The following CADPS variants were observed in gnomAD, a reference collection of about 807,000 sequenced individuals.
CADPS encodes the protein calcium dependent secretion activator, also known as calcium-dependent secretion activator 1.
Under a neutral mutation model 167.3 loss-of-function variants are expected in CADPS, and 57 were observed. That is an observed-to-expected ratio of 0.34 (90% confidence interval 0.28 to 0.42). The LOEUF (loss-of-function observed/expected upper bound fraction) is 0.42, where lower values mean the gene tolerates loss of function less well. CADPS is among the 20% of genes least tolerant of loss of function. The pLI is 1.00. For missense variants in CADPS, 1,414 were observed against 1,738.1 expected, an observed-to-expected ratio of 0.81 and a Z score of 3.32; for synonymous variants, 676 against 635.3, an observed-to-expected ratio of 1.06 and a Z score of -0.96.
intron 8 of CADPS, among the ~76,000 whole-genome samples, chr3:62,575,549 A>C (rs2082096775): frequency 6.6e-6 from 1 of 152,228 alleles, no homozygotes. Context: ...ACTTGCTATT[A>C]GATATATCAT....
intron 1 of CADPS, among the ~76,000 whole-genome samples, chr3:62,838,468 C>A (rs1042237422): frequency 1.1e-4 from 16 of 152,116 alleles, no homozygotes; most frequent in African/African-American, 3.9e-4. Flanking sequence ...AGGATTCTTA[C>A]ACAGTTTTTA....
At chr3:62,587,535 AAG>A (rs1399735261) in intron 7 of CADPS, among the ~76,000 whole-genome samples, 1 of 152,196 alleles carries the variant, frequency 6.6e-6, no homozygotes, top group African/African-American at 2.4e-5. Flanking sequence ...AGGTGCTGGT[AAG>A]AGACACCCCA....
chr3:62,582,861 C>T (rs1442603275), intron 8 of CADPS, among the ~76,000 whole-genome samples: 1 of 152,194 alleles, frequency 6.6e-6, no homozygotes, highest in East Asian at 1.9e-4. Flanking sequence ...AACAAGTCAA[C>T]ACAAAAATTC....
At chr3:62,680,367 C>A (rs1321292014) in intron 3 of CADPS, among the ~76,000 whole-genome samples, 3 of 151,948 alleles carry the variant, frequency 2.0e-5, no homozygotes, top group African/African-American at 7.3e-5. Context: ...ATTGGCCCAC[C>A]CTACCCCAAG....
chr3:62,645,962 T>G (rs1170127612), intron 5 of CADPS, 119 bp from the exon 6 acceptor site: 1 of 1,140,616 alleles, frequency 8.8e-7, no homozygotes. Flanking sequence ...ATGGCTTCTG[T>G]TAGGTTTGTA....
At chr3:62,679,605 A>G (rs1911197) in intron 3 of CADPS, among the ~76,000 whole-genome samples, 149,646 of 152,038 alleles carry the variant, frequency 0.98, 73,694 homozygotes, top group Middle Eastern at 1. Flanking sequence ...CAATGGAGAG[A>G]TAGTGAAATA....
chr3:62,751,553 G>C (rs1045396302), intron 3 of CADPS, among the ~76,000 whole-genome samples: 10 of 152,038 alleles, frequency 6.6e-5, no homozygotes, highest in African/African-American at 2.2e-4. Flanking sequence ...CTCCCTAGTA[G>C]CTGGGATTAC....
chr3:62,804,946 C>G (rs1228612099), intron 1 of CADPS, among the ~76,000 whole-genome samples: 1 of 151,924 alleles, frequency 6.6e-6, no homozygotes, highest in Admixed American at 6.6e-5. Flanking sequence ...TTTTAAGAAC[C>G]AATATCAAGA....
intron 27 of CADPS, chr3:62,439,086 AATATAGGTC>A (rs1023985259): frequency 2.6e-5 from 4 of 152,084 alleles, no homozygotes; most frequent in Admixed American, 1.3e-4. Flanking sequence ...AAAACACTGT[AATATAGGTC>A]ATTAGGAGAG....
At chr3:62,417,790 A>G (rs2050441797) in intron 28 of CADPS, among the ~76,000 whole-genome samples, 1 of 151,822 alleles carries the variant, frequency 6.6e-6, no homozygotes, top group Admixed American at 6.6e-5. Flanking sequence ...CTATGATTGC[A>G]CCACTGCACT....
At chr3:62,400,533 T>C (rs1575531107) in intron 29 of CADPS, among the ~76,000 whole-genome samples, 1 of 152,032 alleles carries the variant, frequency 6.6e-6, no homozygotes, top group East Asian at 1.9e-4. Flanking sequence ...GGAAACTTGC[T>C]AAAGGGGCAA....
intron 3 of CADPS, among the ~76,000 whole-genome samples, chr3:62,700,779 G>GGCTGCACAGT (rs2081245282): frequency 6.6e-6 from 1 of 152,100 alleles, no homozygotes; most frequent in Non-Finnish European, 1.5e-5. Context: ...CTGAACTCAA[G>GGCTGCACAGT]GCTGCACAGT....
intron 3 of CADPS, among the ~76,000 whole-genome samples, chr3:62,702,720 A>G (rs75769350): frequency 0.07 from 10,620 of 152,206 alleles, 463 homozygotes; most frequent in South Asian, 0.16. Context: ...TACTAGTCAC[A>G]CATGACTATG....
intron 1 of CADPS, among the ~76,000 whole-genome samples, chr3:62,789,732 C>T (rs1353866749): frequency 2.6e-5 from 4 of 152,142 alleles, no homozygotes; most frequent in Non-Finnish European, 5.9e-5. Context: ...TTCTTAGACA[C>T]AGTTTCAAAT....
At chr3:62,696,004 C>T (rs1261184471) in intron 3 of CADPS, among the ~76,000 whole-genome samples, 2 of 152,086 alleles carry the variant, frequency 1.3e-5, no homozygotes, top group East Asian at 1.9e-4. Context: ...GTCTTTTCTT[C>T]GATTAATCTG....
intron 29 of CADPS, among the ~76,000 whole-genome samples, chr3:62,402,249 G>GGC (rs1553690906): frequency 1.5e-5 from 2 of 133,782 alleles, no homozygotes; most frequent in Non-Finnish European, 3.2e-5. Context: ...CGGGGGGGGG[G>GGC]GGTGCCCAGG....
At chr3:62,551,626 C>G (rs2077332474) in intron 10 of CADPS, among the ~76,000 whole-genome samples, 2 of 152,140 alleles carry the variant, frequency 1.3e-5, no homozygotes, top group Non-Finnish European at 2.9e-5. Flanking sequence ...TGAAAGCCTC[C>G]CATGAATTGG....
At chr3:62,657,393 T>C (rs938385207) in intron 4 of CADPS, among the ~76,000 whole-genome samples, 36 of 152,192 alleles carry the variant, frequency 2.4e-4, no homozygotes, top group African/African-American at 8.7e-4. Flanking sequence ...TCAATAATTT[T>C]GGAATTTTAC....
At position 62,544,033 on chromosome 3, in the gene CADPS, T is replaced by A. The variant is rs913278453; in HGVS notation, c.1966+5870A>T. ...TTCTTGGGGGAGTAGCAGAATGACA[T>A]TTGATACCAGAGGTTAAATGTCAAC... On this transcript the variant is annotated intron_variant, in intron 11 of 29. Transcript: ENST00000383710. The surrounding 1 kb of genome is among the most constrained non-coding windows in gnomAD (Gnocchi z 4.4). 7.9e-5 allele frequency among the ~76,000 whole-genome samples: 12 copies of A among 152,032 alleles called. No individual in the cohort carries two copies. The highest frequency in any genetic ancestry group is 7.4e-5 in the Non-Finnish European group (5 of 67,978).
Sources: gnomAD v4.1 joint callset for allele counts (sites outside exome capture counted in the v4.1 genomes callset) on GRCh38, gnomAD v4.1.1 for gene constraint, Gnocchi (gnomAD v3.1) non-coding constraint, MANE v1.5 for transcripts, NCBI Gene and HGNC (gene_info 2026-07-23, HGNC 2026-07-21) for gene names.